The following TGFB2 variants were observed in gnomAD, a reference collection of about 807,000 sequenced individuals.
TGFB2 encodes the protein transforming growth factor beta-2 proprotein.
TGFB2 carries 13 observed loss-of-function variants against 42.7 expected under a neutral mutation model. That is an observed-to-expected ratio of 0.30 (90% CI 0.20 to 0.48). The LOEUF (loss-of-function observed/expected upper bound fraction) is 0.48, where lower values mean the gene tolerates loss of function less well. Among genes scored for constraint, TGFB2 ranks in the 20% least tolerant of loss-of-function variants. TGFB2 has a pLI of 0.99. For missense variants in TGFB2, 390 were observed against 517.5 expected, an observed-to-expected ratio of 0.75 and a Z score of 2.39; for synonymous variants, 193 against 193.6, an observed-to-expected ratio of 1.00 and a Z score of 0.03.
intron 1 of TGFB2, among the ~76,000 whole-genome samples, chr1:218,353,906 A>C (rs114247571): frequency 6.6e-6 from 1 of 152,194 alleles, no homozygotes; most frequent in Non-Finnish European, 1.5e-5. Context: ...TAACAAAATA[A>C]AACAAAATAT....
intron 1 of TGFB2, among the ~76,000 whole-genome samples, chr1:218,395,376 A>G (rs2102583424): frequency 6.6e-6 from 1 of 152,270 alleles, no homozygotes; most frequent in East Asian, 1.9e-4. Flanking sequence ...ACTTATCTCT[A>G]GTGGAGGAGG....
rs1192486491 is a variant in TGFB2 at position 218,351,997 on chromosome 1, A to C, written c.346+4950A>C. Among the ~76,000 whole-genome samples, 5 of 152,270 alleles carry C rather than the reference A, an allele frequency of 3.3e-5. No homozygotes were observed. The South Asian group carries it at 1.0e-3, about 32-fold the overall frequency. ...GAGATTACAACACACTTTAGGCTGC[A>C]TATTTAGAAGGTTCGAGAAATTAGA... On this transcript the variant is annotated intron_variant, in intron 1 of 6. Transcript: ENST00000366930.
At position 218,437,482 on chromosome 1, in the gene TGFB2, A is replaced by G; in HGVS notation, c.1072A>G (p.Thr358Ala). 1 of 1,611,852 alleles carries G rather than the reference A, an allele frequency of 6.2e-7. No homozygotes were observed. Among genetic ancestry groups the G allele is most frequent in the Non-Finnish European group, 8.5e-7 (1 of 1,179,136 alleles). ...GACPYLWSSD[T>A]QHSRVLSLYN... ...ATGCCCGTATTTATGGAGTTCAGAC[A>G]CTCAGCACAGCAGGGTGAGTGTTCA... Residue 358 changes from threonine (T) to alanine (A), a missense_variant, in exon 6 of 7, where the codon ACT (threonine) becomes GCT (alanine). Transcript: ENST00000366930.
intron 1 of TGFB2, among the ~76,000 whole-genome samples, chr1:218,401,023 AT>A (rs1223102554): frequency 6.6e-6 from 1 of 152,204 alleles, no homozygotes. Flanking sequence ...CAATTCAAAA[AT>A]AAAATGATTG....
At chr1:218,350,204 G>C (rs1656825925) in intron 1 of TGFB2, among the ~76,000 whole-genome samples, 1 of 152,212 alleles carries the variant, frequency 6.6e-6, no homozygotes, top group African/African-American at 2.4e-5. Flanking sequence ...AAGAGGAAGA[G>C]ACACAACGTT....
intron 1 of TGFB2, among the ~76,000 whole-genome samples, chr1:218,382,950 T>C (rs1441186475): frequency 1.3e-5 from 2 of 152,220 alleles, no homozygotes; most frequent in Non-Finnish European, 2.9e-5. Context: ...TTTTGGCTAC[T>C]CATCTCAAAT....
chr1:218,423,680 G>A (rs923653694), intron 2 of TGFB2, among the ~76,000 whole-genome samples: 3 of 152,092 alleles, frequency 2.0e-5, no homozygotes, highest in African/African-American at 7.2e-5. Context: ...ATAGGTTGGT[G>A]GCCAGTTGTG....
chr1:218,377,684 C>T (rs944070034), intron 1 of TGFB2, among the ~76,000 whole-genome samples: 1 of 149,438 alleles, frequency 6.7e-6, no homozygotes, highest in Admixed American at 6.7e-5. Context: ...CTTGCCCCAC[C>T]CCCGACCCCT....
chr1:218,400,796 T>G (rs909625728), intron 1 of TGFB2, among the ~76,000 whole-genome samples: 1 of 152,240 alleles, frequency 6.6e-6, no homozygotes, highest in Non-Finnish European at 1.5e-5. Flanking sequence ...GCATGGGTTG[T>G]GTGCCTGACC....
chr1:218,433,160 C>A (rs1659863707), intron 2 of TGFB2, among the ~76,000 whole-genome samples: 1 of 152,094 alleles, frequency 6.6e-6, no homozygotes, highest in Non-Finnish European at 1.5e-5. Flanking sequence ...CCTCCGTCTC[C>A]CGGGTTCGGG....
intron 2 of TGFB2, 53 bp downstream of exon 2, chr1:218,405,385 C>T: frequency 9.8e-6 from 4 of 406,390 alleles, no homozygotes; most frequent in Non-Finnish European, 1.4e-5. Flanking sequence ...TTTAGACAGA[C>T]TCTCTCTCTC....
chr1:218,374,504 A>G (rs1160248294), intron 1 of TGFB2, among the ~76,000 whole-genome samples: 1 of 152,046 alleles, frequency 6.6e-6, no homozygotes, highest in Non-Finnish European at 1.5e-5. Context: ...CTGCTGACCA[A>G]CTCCTAATTG....
At chr1:218,356,965 A>G (rs947566101) in intron 1 of TGFB2, among the ~76,000 whole-genome samples, 13 of 152,030 alleles carry the variant, frequency 8.6e-5, no homozygotes, top group Non-Finnish European at 1.2e-4. Context: ...TAATCCCAGC[A>G]CTTTGGGAGG....
chr1:218,398,927 G>A (rs1382701320), intron 1 of TGFB2, among the ~76,000 whole-genome samples: 7 of 152,076 alleles, frequency 4.6e-5, no homozygotes, highest in Admixed American at 6.5e-5. Context: ...CTGTTGCCCA[G>A]GCTTCAGTGC....
chr1:218,346,409 A>C lies in TGFB2; in HGVS notation c.-293A>C. 1 of 319,552 alleles carries C rather than the reference A, an allele frequency of 3.1e-6. No homozygotes were observed. The highest frequency in any genetic ancestry group is 6.1e-5 in the South Asian group (1 of 16,264). The allele number at this position is 319,552 out of a possible 1,614,324, so 19.8% of individuals were successfully genotyped here. On this transcript the variant is annotated 5_prime_UTR_variant, in exon 1 of 7. Coordinates refer to ENST00000366930, the MANE Select transcript of TGFB2 (RefSeq NM_003238.6). The surrounding 1 kb of genome is among the most constrained non-coding windows in gnomAD (Gnocchi z 4.9). ...TAGCCACTCGTCTCTTTTTTTCCCC[A>C]TCTCATTGCTCCAAGAATTTTTTTC...
In TGFB2 at chr1:218,384,796, G is replaced by A. The variant is rs967434525; in HGVS notation, c.347-20373G>A. Among the ~76,000 whole-genome samples, 3 of 152,214 alleles carry A rather than the reference G, an allele frequency of 2.0e-5. No individual in the cohort carries two copies. In the East Asian group the frequency reaches 5.8e-4, roughly 29 times the overall value. On this transcript the variant is annotated intron_variant, in intron 1 of 6. Coordinates refer to ENST00000366930, the MANE Select transcript of TGFB2 (RefSeq NM_003238.6). The stretch of plus-strand genomic sequence containing the variant: ...ACAGAAGGCAGAATTCAAATCTGCT[G>A]AGAATGGATGGTTAACATGAAACGT...
chr1:218,379,366 C>T (rs1657878805), intron 1 of TGFB2, among the ~76,000 whole-genome samples: 1 of 151,880 alleles, frequency 6.6e-6, no homozygotes. Flanking sequence ...GATCTCCTGA[C>T]CTCATGATCC....
At chr1:218,377,064 A>T (rs936251709) in intron 1 of TGFB2, among the ~76,000 whole-genome samples, 14 of 147,144 alleles carry the variant, frequency 9.5e-5, no homozygotes, top group South Asian at 6.5e-4. Flanking sequence ...TGGCTAATTT[A>T]AAAAAAAAAA....
intron 2 of TGFB2, among the ~76,000 whole-genome samples, chr1:218,422,920 C>T (rs758300748): frequency 6.6e-6 from 1 of 152,096 alleles, no homozygotes; most frequent in Non-Finnish European, 1.5e-5. Context: ...ATACAAGATG[C>T]TCGGCAATGA....
Sources: gnomAD v4.1 joint callset for allele counts (sites outside exome capture counted in the v4.1 genomes callset) on GRCh38, gnomAD v4.1.1 for gene constraint, Gnocchi (gnomAD v3.1) non-coding constraint, MANE v1.5 for transcripts, NCBI Gene and HGNC (gene_info 2026-07-23, HGNC 2026-07-21) for gene names.